TSNARE1: variants seen among roughly 807,000 people sequenced by gnomAD.
TSNARE1 encodes t-SNARE domain containing 1.
A neutral mutation model predicts 62.0 loss-of-function variants in TSNARE1; 49 were observed. The ratio of observed to expected loss-of-function variants is 0.79; its 90% CI spans 0.63 to 1.00. The LOEUF (loss-of-function observed/expected upper bound fraction) is 1.00. Among genes scored for constraint, TSNARE1 ranks in the 50% least tolerant of loss-of-function variants. The pLI is 0.00. For synonymous variants in TSNARE1, 328 were observed against 294.4 expected, an observed-to-expected ratio of 1.11 and a Z score of -1.17; for missense variants, 755 against 700.1, an observed-to-expected ratio of 1.08 and a Z score of -0.88.
chr8:142,280,177 G>A (rs1292406746), intron 11 of TSNARE1: 1 of 985,326 alleles, frequency 1.0e-6, no homozygotes, highest in African/African-American at 1.7e-5. Flanking sequence ...CGTCTCCTGG[G>A]GGCTGAAGTT....
chr8:142,378,021 T>C (rs1836471286), intron 1 of TSNARE1, among the ~76,000 whole-genome samples: 1 of 152,190 alleles, frequency 6.6e-6, no homozygotes. Context: ...CGCGGTGAAC[T>C]ATGCGGTCCT....
intron 12 of TSNARE1, among the ~76,000 whole-genome samples, chr8:142,237,280 C>T (rs940396727): frequency 1.1e-4 from 17 of 152,226 alleles, no homozygotes; most frequent in East Asian, 3.9e-4. Flanking sequence ...TTGACTGCTC[C>T]GCCCACCAGT....
At chr8:142,223,032 TCATTCAC>T (rs1280472559) in intron 13 of TSNARE1, among the ~76,000 whole-genome samples, 42 of 64,052 alleles carry the variant, frequency 6.6e-4, no homozygotes, top group East Asian at 1.8e-3. Flanking sequence ...AGCCACTCAC[TCATTCAC>T]TCACTCACTC....
chr8:142,225,358 C>T (rs1195104192), intron 13 of TSNARE1, among the ~76,000 whole-genome samples: 1 of 152,156 alleles, frequency 6.6e-6, no homozygotes, highest in Non-Finnish European at 1.5e-5. Flanking sequence ...TCCACTCACA[C>T]AGCATCAGGG....
chr8:142,362,084 T>C (rs1835208828), intron 1 of TSNARE1, among the ~76,000 whole-genome samples: 1 of 152,240 alleles, frequency 6.6e-6, no homozygotes, highest in Non-Finnish European at 1.5e-5. Flanking sequence ...CCCCCATGGA[T>C]GGCCACGCTG....
intron 1 of TSNARE1, among the ~76,000 whole-genome samples, chr8:142,378,867 G>A (rs978569069): frequency 3.3e-5 from 5 of 152,188 alleles, no homozygotes; most frequent in Non-Finnish European, 5.9e-5. Context: ...AGCACCCTTG[G>A]TTCCACGGCA....
intron 2 of TSNARE1, among the ~76,000 whole-genome samples, chr8:142,346,406 G>T (rs181249538): frequency 1.3e-5 from 2 of 152,220 alleles, no homozygotes; most frequent in Admixed American, 1.3e-4. Context: ...CCCATCTCCC[G>T]GCTCCCAGCC....
intron 4 of TSNARE1, among the ~76,000 whole-genome samples, 191 bp from the exon 5 acceptor site, chr8:142,332,022 A>G (rs955861431): frequency 6.6e-6 from 1 of 152,190 alleles, no homozygotes; most frequent in Non-Finnish European, 1.5e-5. Flanking sequence ...CTGCCTTCAC[A>G]GTACCTTCAA....
At chr8:142,280,799 G>A (rs1456023557) in intron 11 of TSNARE1, among the ~76,000 whole-genome samples, 1 of 152,176 alleles carries the variant, frequency 6.6e-6, no homozygotes. Context: ...GGGGAGAAGG[G>A]GGGAGGACAG....
intron 9 of TSNARE1, among the ~76,000 whole-genome samples, chr8:142,308,050 G>A (rs1038045233): frequency 6.6e-6 from 1 of 152,200 alleles, no homozygotes; most frequent in Non-Finnish European, 1.5e-5. Flanking sequence ...GGTGCCTGTG[G>A]AAAGCTGCTG....
At chr8:142,255,224 G>C (rs1322524052) in intron 12 of TSNARE1, among the ~76,000 whole-genome samples, 2 of 151,914 alleles carry the variant, frequency 1.3e-5, no homozygotes, top group African/African-American at 4.8e-5. Context: ...TTCTCCCAGT[G>C]CCCTATGCAG....
chr8:142,323,036 G>A (rs1829711574), intron 6 of TSNARE1, among the ~76,000 whole-genome samples: 1 of 151,420 alleles, frequency 6.6e-6, no homozygotes, highest in Non-Finnish European at 1.5e-5. Flanking sequence ...AGGCCGGCCT[G>A]GACATGTCTG....
At chr8:142,234,831 C>T (rs942561065) in intron 12 of TSNARE1, among the ~76,000 whole-genome samples, 2 of 152,088 alleles carry the variant, frequency 1.3e-5, no homozygotes, top group African/African-American at 4.8e-5. Context: ...GAGGCTCACC[C>T]TGGCTCCACC....
In TSNARE1 at chr8:142,221,813, TCACTCATTCACTCACTCACTCATC is replaced by T. The variant is rs1382314374; in HGVS notation, c.*11+7636_*11+7659del. The stretch of plus-strand genomic sequence containing the variant: ...TCCACTCATTCACTCACTCATCCAC[TCACTCATTCACTCACTCACTCATC>T]CACTCATTCACTCACTCATCCACTC... On this transcript the variant is annotated intron_variant, in intron 13 of 13. Coordinates refer to ENST00000524325, the MANE Select transcript of TSNARE1 (RefSeq NM_145003.5). 3.6e-5 allele frequency among the ~76,000 whole-genome samples: 2 copies of T among 55,200 alleles called. 1 individual carries two copies. The highest frequency in any genetic ancestry group is 8.6e-5 in the Non-Finnish European group (2 of 23,222). The allele number at this position is 55,200 out of a possible 152,430, so 36.2% of individuals were successfully genotyped here.
At chr8:142,227,526 T>C (rs1472558485) in intron 13 of TSNARE1, among the ~76,000 whole-genome samples, 5 of 151,500 alleles carry the variant, frequency 3.3e-5, no homozygotes, top group African/African-American at 1.2e-4. Context: ...GGCCCCCCAT[T>C]CTGCCCACAA....
intron 9 of TSNARE1, among the ~76,000 whole-genome samples, chr8:142,306,535 AT>A (rs1323807345): frequency 1.3e-5 from 2 of 152,196 alleles, no homozygotes; most frequent in Non-Finnish European, 2.9e-5. Flanking sequence ...CACAGCCAGG[AT>A]CGCCAACTCC....
At chr8:142,329,859 T>C (rs1830757785) in intron 6 of TSNARE1, among the ~76,000 whole-genome samples, 1 of 152,248 alleles carries the variant, frequency 6.6e-6, no homozygotes, top group Admixed American at 6.5e-5. Context: ...AGGCTAAGAA[T>C]AGAACTGCCC....
intron 13 of TSNARE1, among the ~76,000 whole-genome samples, chr8:142,212,926 C>T (rs1401799271): frequency 8.6e-6 from 1 of 115,848 alleles, no homozygotes; most frequent in Non-Finnish European, 1.8e-5. Flanking sequence ...CCTCCCTCCC[C>T]CTCCCTCTCT....
At chr8:142,341,674 AC>A (rs1473830899) in intron 4 of TSNARE1, among the ~76,000 whole-genome samples, 1 of 151,966 alleles carries the variant, frequency 6.6e-6, no homozygotes. Flanking sequence ...CAGCGAGGTC[AC>A]CCCCGTCAGT....
Sources: allele counts gnomAD v4.1 joint callset (sites outside exome capture counted in the v4.1 genomes callset), GRCh38; gene constraint gnomAD v4.1.1; transcripts MANE v1.5; gene names NCBI Gene and HGNC (gene_info 2026-07-23, HGNC 2026-07-21).